Variants in ADSL observed in about 807,000 individuals in gnomAD.
The protein encoded by ADSL is adenylosuccinase.
A neutral mutation model predicts 62.1 loss-of-function variants in ADSL; 44 were observed. That is an observed-to-expected ratio of 0.71 (90% CI 0.56 to 0.91). The LOEUF is 0.91. Among genes scored for constraint, ADSL ranks in the 40% least tolerant of loss-of-function variants. ADSL has a pLI of 0.00. For synonymous variants in ADSL, 198 were observed against 220.5 expected, an observed-to-expected ratio of 0.90 and a Z score of 0.90; for missense variants, 531 against 627.4, an observed-to-expected ratio of 0.85 and a Z score of 1.64.
At chr22:40,353,543 C>A in intron 3 of ADSL, 22 of 555,892 alleles carry the variant, frequency 4.0e-5, no homozygotes, top group Non-Finnish European at 5.3e-5. Flanking sequence ...CTTGGCCTTT[C>A]AAAGTGTTGG....
intron 1 of ADSL, chr22:40,348,628 A>AC: frequency 2.5e-6 from 1 of 398,548 alleles, no homozygotes; most frequent in Non-Finnish European, 4.4e-6. Flanking sequence ...CGATCCACCG[A>AC]CCTTGGCCTC....
downstream of ADSL, among the ~76,000 whole-genome samples, chr22:40,372,122 C>CCTT (rs768398221): frequency 1.5e-5 from 1 of 65,200 alleles, no homozygotes; most frequent in Non-Finnish European, 2.7e-5. Context: ...TCCCCCCCCC[C>CCTT]TTTTTTTTTT....
intron 2 of ADSL, among the ~76,000 whole-genome samples, chr22:40,385,922 G>C (rs2048340844): frequency 6.6e-6 from 1 of 152,108 alleles, no homozygotes; most frequent in Non-Finnish European, 1.5e-5. Flanking sequence ...TGCAACCTCA[G>C]CCCACTGCAG....
rs1161427776 is a variant in ADSL at position 40,368,947 on chromosome 22, TGAAAG to T, written c.*2428_*2432del. ...TGAAAAAACAAAACAGAAAAAATCTTGAAAGGATACTAAGTCTGACACAAGGAAAT... is the reference window on the plus strand; with the variant it reads ...TGAAAAAACAAAACAGAAAAAATCTTGATACTAAGTCTGACACAAGGAAAT... On this transcript the variant is annotated 3_prime_UTR_variant, in exon 13 of 13. Coordinates refer to ENST00000623063, the MANE Select transcript of ADSL (RefSeq NM_000026.4). 4 of 152,122 alleles carry T rather than the reference TGAAAG, an allele frequency of 2.6e-5. No individual in the cohort carries two copies. Among genetic ancestry groups the T allele is most frequent in the African/African-American group, 9.7e-5 (4 of 41,420 alleles). The allele number at this position is 152,122 out of a possible 1,614,324, so 9.4% of individuals were successfully genotyped here.
downstream of ADSL, chr22:40,373,380 CT>C (rs2045941427): frequency 6.6e-6 from 1 of 152,190 alleles, no homozygotes; most frequent in African/African-American, 2.4e-5. Context: ...ACATTCTTCT[CT>C]TCCATTTACT....
chr22:40,359,031 A>G lies in ADSL; in HGVS notation c.650A>G (p.His217Arg). The G allele has an allele frequency of 6.2e-7, 1 of 1,614,162 alleles. No individual in the cohort carries two copies. Residue 217 changes from histidine (H) to arginine (R), a missense_variant, in exon 5 of 13, where the codon CAT becomes CGT. By Grantham distance (29) the His-to-Arg change is conservative. Coordinates refer to ENST00000623063, the MANE Select transcript of ADSL (RefSeq NM_000026.4). Reference protein sequence around the residue: ...SFLQLFEGDDHKVEQLDKMVT... With the variant: ...SFLQLFEGDDRKVEQLDKMVT... ...CTGCAGCTCTTTGAGGGAGATGACC[A>G]TAAGGTATTCTGAAAGTGACCTGCA...
intron 7 of ADSL, among the ~76,000 whole-genome samples, chr22:40,360,695 TC>T (rs2044749574): frequency 6.6e-6 from 1 of 151,610 alleles, no homozygotes; most frequent in Non-Finnish European, 1.5e-5. Context: ...CTGCAAAACA[TC>T]CATCTTGTTC....
chr22:40,366,094 G>C (rs945590340), intron 12 of ADSL, among the ~76,000 whole-genome samples: 2 of 152,038 alleles, frequency 1.3e-5, no homozygotes, highest in Non-Finnish European at 2.9e-5. Flanking sequence ...ACAGACCGGG[G>C]AGGGAGAGGA....
chr22:40,361,750 C>G, intron 9 of ADSL, 115 bp downstream of exon 9: 1 of 1,379,218 alleles, frequency 7.3e-7, no homozygotes, highest in Non-Finnish European at 1.0e-6. Context: ...CCAAGGATCC[C>G]AGAGTCTAGC....
chr22:40,364,908 C>T lies in ADSL; in HGVS notation c.1220C>T (p.Ser407Phe). 6.2e-7 allele frequency: 1 copy of T among 1,614,222 alleles called. No homozygotes were observed. Among genetic ancestry groups the T allele is most frequent in the South Asian group, 1.1e-5 (1 of 91,086 alleles). ...QDCHEKIRVL[S>F]QQAASVVKQE... is the part of the protein sequence containing the mutation. ...TGCCATGAGAAAATCAGAGTGCTTTCTCAGCAGGCAGCTTCTGTGGTTAAG... is the reference window on the plus strand; with the variant it reads ...TGCCATGAGAAAATCAGAGTGCTTTTTCAGCAGGCAGCTTCTGTGGTTAAG... Residue 407 changes from serine to phenylalanine, a missense_variant, in exon 12 of 13, where the codon TCT (serine) becomes TTT (phenylalanine). Physicochemically the swap from Ser to Phe is radical, Grantham distance 155. This residue lies in a region of ADSL where 471 missense variants were observed against 592.9 expected (regional missense o/e 0.79). Transcript: ENST00000623063.
downstream of ADSL, among the ~76,000 whole-genome samples, chr22:40,373,147 A>G (rs1383275143): frequency 2.0e-5 from 3 of 152,174 alleles, no homozygotes; most frequent in Non-Finnish European, 4.4e-5. Flanking sequence ...CTTACCAGAC[A>G]CTAGTTGTCA....
At chr22:40,360,566 T>G in intron 7 of ADSL, 74 bp downstream of exon 7, 1 of 1,044,274 alleles carries the variant, frequency 9.6e-7, no homozygotes, top group Non-Finnish European at 1.5e-6. Flanking sequence ...ACCTCAGACT[T>G]TTACTTAACC....
chr22:40,354,759 C>T (rs956997331), intron 4 of ADSL, among the ~76,000 whole-genome samples: 3 of 151,788 alleles, frequency 2.0e-5, no homozygotes, highest in Non-Finnish European at 4.4e-5. Flanking sequence ...ATCCCAGCTA[C>T]TCAGGAGGCT....
rs1162538525 is a variant in ADSL, at chr22:40,368,067, G to A, written c.*1545G>A. ...GAGAGCCAACCTCCAAAAAGATCTT[G>A]TGGTGGAGGAATGTTAGGGCTCTTT... is the stretch of plus-strand genomic sequence containing the variant. On this transcript the variant is annotated 3_prime_UTR_variant, in exon 13 of 13. Coordinates refer to ENST00000623063, the MANE Select transcript of ADSL (RefSeq NM_000026.4). The A allele has an allele frequency of 1.3e-5, 2 of 152,230 alleles. No homozygotes were observed. The highest frequency in any genetic ancestry group is 4.8e-5 in the African/African-American group (2 of 41,452). 9.4% of individuals were successfully genotyped at this position (152,230 alleles called of 1,614,324 possible).
chr22:40,372,169 C>G (rs1836411207), downstream of ADSL, among the ~76,000 whole-genome samples: 1 of 125,074 alleles, frequency 8.0e-6, no homozygotes, highest in African/African-American at 3.1e-5. Flanking sequence ...CTCTGTTGCC[C>G]AGGCTGGAGT....
At chr22:40,361,184 C>G (rs1235796904) in intron 7 of ADSL, 89 bp from the exon 8 acceptor site, 2 of 1,245,468 alleles carry the variant, frequency 1.6e-6, no homozygotes, top group Non-Finnish European at 2.4e-6. Context: ...CACCTAAGAG[C>G]TCATCTCCTT....
At chr22:40,349,723 G>A in intron 1 of ADSL, 109 bp from the exon 2 acceptor site, 1 of 969,958 alleles carries the variant, frequency 1.0e-6, no homozygotes, top group Non-Finnish European at 1.6e-6. Context: ...TTAAGGGTTG[G>A]GAGATAGGGT....
intron 2 of ADSL, among the ~76,000 whole-genome samples, chr22:40,379,666 T>A (rs1325695640): frequency 3.3e-5 from 5 of 152,138 alleles, no homozygotes; most frequent in African/African-American, 9.7e-5. Flanking sequence ...CATATCAACC[T>A]GTAGTTATCT....
At chr22:40,379,088 G>A (rs2047124889) in intron 2 of ADSL, among the ~76,000 whole-genome samples, 1 of 152,142 alleles carries the variant, frequency 6.6e-6, no homozygotes, top group Non-Finnish European at 1.5e-5. Flanking sequence ...TTACTCTGTA[G>A]CACTATTCAT....
Sources: gnomAD v4.1 joint callset for allele counts (sites outside exome capture counted in the v4.1 genomes callset) on GRCh38, gnomAD v4.1.1 for gene constraint, gnomAD v4.1.1 regional missense constraint, MANE v1.5 for transcripts, NCBI Gene and HGNC (gene_info 2026-07-23, HGNC 2026-07-21) for gene names.